The following DLGAP2 variants were observed in gnomAD, a reference collection of about 807,000 sequenced individuals.
DLGAP2 encodes disks large-associated protein 2.
In DLGAP2, 26 loss-of-function variants were observed where a neutral mutation model predicts 100.3. That is an observed-to-expected ratio of 0.26 (90% CI 0.19 to 0.36). DLGAP2 has a LOEUF of 0.36. Ranked by LOEUF, DLGAP2 falls within the 10% of genes least tolerant of loss-of-function variation. The pLI is 1.00. For missense variants in DLGAP2, 1,858 were observed against 1,453.2 expected, an observed-to-expected ratio of 1.28 and a Z score of -4.53; for synonymous variants, 886 against 630.1, an observed-to-expected ratio of 1.41 and a Z score of -6.08.
chr8:889,153 G>A (rs1224180391), intron 1 of DLGAP2, among the ~76,000 whole-genome samples: 2 of 152,158 alleles, frequency 1.3e-5, no homozygotes, highest in Non-Finnish European at 2.9e-5. Context: ...AATGTCATCA[G>A]TTAAGGCAGG....
intron 3 of DLGAP2, among the ~76,000 whole-genome samples, chr8:1,322,966 C>T (rs576843006): frequency 3.3e-5 from 5 of 152,192 alleles, no homozygotes; most frequent in African/African-American, 7.2e-5. Context: ...TTTTAAAATT[C>T]ACCTTTGTCC....
intron 3 of DLGAP2, among the ~76,000 whole-genome samples, chr8:1,429,518 A>C (rs375439268): frequency 2.6e-5 from 4 of 152,312 alleles, no homozygotes; most frequent in Admixed American, 2.0e-4. Context: ...ATGGTGTGTA[A>C]GCTGAAGATG....
chr8:1,130,011 C>T (rs1003996425), intron 2 of DLGAP2, among the ~76,000 whole-genome samples: 1 of 152,152 alleles, frequency 6.6e-6, no homozygotes, highest in Non-Finnish European at 1.5e-5. Flanking sequence ...AGGGATCCTG[C>T]GCGTGTAGCT....
intron 3 of DLGAP2, among the ~76,000 whole-genome samples, chr8:1,267,758 T>G (rs1458343807): frequency 2.0e-5 from 3 of 152,008 alleles, no homozygotes; most frequent in Non-Finnish European, 2.9e-5. Context: ...ATCCCTTCCC[T>G]TTTTCTCCTC....
intron 6 of DLGAP2, among the ~76,000 whole-genome samples, chr8:1,588,314 A>G (rs183019896): frequency 1.9e-3 from 296 of 152,272 alleles, no homozygotes; most frequent in Non-Finnish European, 3.3e-3. Flanking sequence ...AACAGAGCAA[A>G]AAAGAGTCCA....
intron 2 of DLGAP2, among the ~76,000 whole-genome samples, chr8:1,101,073 C>G (rs1335915863): frequency 6.6e-6 from 1 of 152,206 alleles, no homozygotes; most frequent in East Asian, 1.9e-4. Flanking sequence ...CACGTCTACT[C>G]CTCAGGGGCT....
At chr8:1,481,797 A>G (rs989286665) in intron 3 of DLGAP2, among the ~76,000 whole-genome samples, 9 of 152,150 alleles carry the variant, frequency 5.9e-5, no homozygotes, top group African/African-American at 1.7e-4. Flanking sequence ...TTTCTAAGAC[A>G]TGAGACTCCC....
intron 2 of DLGAP2, among the ~76,000 whole-genome samples, chr8:1,206,736 G>C (rs781767448): frequency 2.2e-4 from 33 of 152,314 alleles, no homozygotes; most frequent in Non-Finnish European, 4.3e-4. Context: ...CTGCGTCCTG[G>C]AGAACTGGTC....
chr8:1,233,628 A>G (rs1004678979), intron 2 of DLGAP2, among the ~76,000 whole-genome samples: 8 of 150,546 alleles, frequency 5.3e-5, no homozygotes, highest in East Asian at 3.9e-4. Flanking sequence ...TCTGGGTCCA[A>G]TGGGCAAGAC....
At chr8:1,125,636 A>G (rs1014695419) in intron 2 of DLGAP2, among the ~76,000 whole-genome samples, 1 of 152,238 alleles carries the variant, frequency 6.6e-6, no homozygotes, top group African/African-American at 2.4e-5. Flanking sequence ...ATGTTTTATT[A>G]GATAAATAAC....
At chr8:1,438,917 C>T (rs777562171) in intron 3 of DLGAP2, among the ~76,000 whole-genome samples, 11 of 152,078 alleles carry the variant, frequency 7.2e-5, no homozygotes, top group Non-Finnish European at 1.5e-4. Context: ...TAGAAAAAAG[C>T]ACGTTCACAA....
chr8:1,428,093 G>A (rs1377455625), intron 3 of DLGAP2, among the ~76,000 whole-genome samples: 2 of 151,314 alleles, frequency 1.3e-5, no homozygotes, highest in African/African-American at 2.4e-5. Context: ...AAAGAACAGA[G>A]TACGCTAAAT....
intron 1 of DLGAP2, among the ~76,000 whole-genome samples, chr8:829,685 A>G (rs945613415): frequency 1.3e-5 from 2 of 152,228 alleles, no homozygotes; most frequent in African/African-American, 2.4e-5. Context: ...AAATGAAGAA[A>G]AGTTGAAAGG....
intron 1 of DLGAP2, among the ~76,000 whole-genome samples, chr8:881,545 G>T (rs1241744007): frequency 1.4e-5 from 2 of 138,392 alleles, no homozygotes; most frequent in African/African-American, 5.6e-5. Context: ...TGTTGCCCAG[G>T]CTGGAGTGCA....
At chr8:1,135,759 C>G (rs1796397395) in intron 2 of DLGAP2, among the ~76,000 whole-genome samples, 1 of 152,086 alleles carries the variant, frequency 6.6e-6, no homozygotes, top group Non-Finnish European at 1.5e-5. Context: ...AGGATGGCCA[C>G]TTTTGTGGAC....
In DLGAP2 at chr8:1,678,455, C is replaced by T; in HGVS notation, c.2530C>T (p.Pro844Ser). ...CCAAGTGGACACCTCCACCCTGCCC[C>T]CTCCAGACCCCTGGCTGGAGCCCGC... ...RTQVDTSTLP[P>S]PDPWLEPAID... Residue 844 changes from proline to serine, a missense_variant, in exon 12 of 15, where the codon CCT becomes TCT. By Grantham distance (74) the Pro-to-Ser change is moderately conservative. Coordinates refer to ENST00000637795, the MANE Select transcript of DLGAP2 (RefSeq NM_001346810.2). 2 of 1,613,524 alleles carry T rather than the reference C, an allele frequency of 1.2e-6. No individual in the cohort carries two copies. The highest frequency in any genetic ancestry group is 4.5e-5 in the East Asian group (2 of 44,836).
At chr8:920,939 C>A (rs552334716) in intron 2 of DLGAP2, among the ~76,000 whole-genome samples, 1 of 152,220 alleles carries the variant, frequency 6.6e-6, no homozygotes, top group Non-Finnish European at 1.5e-5. Flanking sequence ...GTCCTCACCC[C>A]ACTTTCCCTC....
At chr8:921,180 A>C (rs1018462772) in intron 2 of DLGAP2, among the ~76,000 whole-genome samples, 11 of 151,958 alleles carry the variant, frequency 7.2e-5, no homozygotes, top group Non-Finnish European at 1.3e-4. Context: ...TTATAGTCCT[A>C]GGAATCTTTT....
chr8:1,139,947 G>A (rs547751353), intron 2 of DLGAP2, among the ~76,000 whole-genome samples: 1 of 152,200 alleles, frequency 6.6e-6, no homozygotes, highest in Non-Finnish European at 1.5e-5. Context: ...GGCAGAGCGA[G>A]GCTTGAACTT....
Sources: allele counts gnomAD v4.1 joint callset (sites outside exome capture counted in the v4.1 genomes callset), GRCh38; gene constraint gnomAD v4.1.1; transcripts MANE v1.5; gene names NCBI Gene and HGNC (gene_info 2026-07-23, HGNC 2026-07-21).